TCF24: variants seen among roughly 807,000 people sequenced by gnomAD.
TCF24 encodes transcription factor 24.
In TCF24, 5 loss-of-function variants were observed where a neutral mutation model predicts 9.3. The ratio of observed to expected loss-of-function variants is 0.54; its 90% CI spans 0.28 to 1.13. The LOEUF is 1.13. Ranked by LOEUF, TCF24 falls within the 50% of genes most tolerant of loss-of-function variation. TCF24 has a pLI of 0.09. For missense variants in TCF24, 220 were observed against 236.1 expected, an observed-to-expected ratio of 0.93 and a Z score of 0.45; for synonymous variants, 110 against 115.8, an observed-to-expected ratio of 0.95 and a Z score of 0.32.
chr8:66,955,932 A>T (rs781573554), intron 3 of TCF24, among the ~76,000 whole-genome samples: 14 of 151,946 alleles, frequency 9.2e-5, no homozygotes, highest in Non-Finnish European at 1.6e-4. Flanking sequence ...AATTTATTTT[A>T]TTATTATTTT....
In TCF24 at chr8:66,961,526, C is replaced by A. The variant is rs1242305188; in HGVS notation, c.240G>T (p.Pro80=). The A allele has an allele frequency of 4.0e-6, 6 of 1,513,172 alleles. No individual in the cohort carries two copies. The Admixed American group carries it at 6.1e-5, about 15-fold the overall frequency. The allele number at this position is 1,513,172 out of a possible 1,614,324, so 93.7% of individuals were successfully genotyped here. A position where few individuals can be genotyped will look rare whatever the true frequency, so the allele number is the denominator to read the frequency against. Residue 80 remains proline, a synonymous_variant, in exon 3 of 4, where the codon CCG becomes CCT. Coordinates refer to ENST00000563496, the MANE Select transcript of TCF24 (RefSeq NM_001193502.2). ...CCAGCTTGGACAGCTTGGTGTCGGG[C>A]GGCACGGACGGCAGCGTGCGCTGCA... ...LELQRTLPSV[P]PDTKLSKLDV...
intron 3 of TCF24, among the ~76,000 whole-genome samples, chr8:66,953,526 A>T (rs1289992034): frequency 6.6e-6 from 1 of 150,956 alleles, no homozygotes; most frequent in Non-Finnish European, 1.5e-5. Flanking sequence ...GCTGCCCTTA[A>T]CATTTTTTCC....
In TCF24 at chr8:66,953,225, G is replaced by A. The variant is rs1361520696; in HGVS notation, c.391-5061C>T. ...TTACATTTTGACATGATTTTGCAGC[G>A]GCTGGTACCGGTTGTTCCTTTCCAT... On this transcript the variant is annotated intron_variant, in intron 3 of 3. Coordinates refer to ENST00000563496, the MANE Select transcript of TCF24 (RefSeq NM_001193502.2). 1.6e-4 allele frequency among the ~76,000 whole-genome samples: 25 copies of A among 152,092 alleles called. No individual in the cohort carries two copies. In the East Asian group the frequency reaches 3.9e-3, roughly 24 times the overall value.
chr8:66,951,221 T>C (rs1028494601), intron 3 of TCF24, among the ~76,000 whole-genome samples: 1 of 139,528 alleles, frequency 7.2e-6, no homozygotes, highest in African/African-American at 2.8e-5. Context: ...TGATATTGGC[T>C]GTGGGTTTGT....
intron 3 of TCF24, among the ~76,000 whole-genome samples, chr8:66,955,365 T>A (rs1424250374): frequency 6.6e-6 from 1 of 151,512 alleles, no homozygotes; most frequent in Non-Finnish European, 1.5e-5. Flanking sequence ...TGTTTTTTTT[T>A]ACTACAGAGA....
chr8:66,952,285 G>T, intron 3 of TCF24, among the ~76,000 whole-genome samples: 1 of 134,020 alleles, frequency 7.5e-6, no homozygotes, highest in Non-Finnish European at 1.6e-5. Context: ...AGAGATTCTG[G>T]TATGTTGTGT....
chr8:66,948,342 G>C (rs1813995947), intron 3 of TCF24, among the ~76,000 whole-genome samples, 178 bp from the exon 4 acceptor site: 2 of 152,092 alleles, frequency 1.3e-5, no homozygotes, highest in Admixed American at 6.6e-5. Flanking sequence ...AATGCTAACA[G>C]TAAAAAACAA....
intron 3 of TCF24, among the ~76,000 whole-genome samples, chr8:66,953,206 T>C (rs1814086379): frequency 6.6e-6 from 1 of 152,182 alleles, no homozygotes; most frequent in African/African-American, 2.4e-5. Context: ...ATCTTTACAT[T>C]TTGACATGAT....
intron 3 of TCF24, among the ~76,000 whole-genome samples, chr8:66,957,223 C>A (rs1814171521): frequency 6.6e-6 from 1 of 151,196 alleles, no homozygotes; most frequent in African/African-American, 2.4e-5. Context: ...TTAAGACCAG[C>A]CTGGCCAGCA....
rs141557620 is a variant in TCF24, at chr8:66,949,080, T to C, written c.391-916A>G. ...CATCCTGATTAAATGTCTGTATGTA[T>C]TGACATCATCTAGCTCTTTTTTTTT... On this transcript the variant is annotated intron_variant, in intron 3 of 3. Transcript: ENST00000563496. Among the ~76,000 whole-genome samples, 403 of 152,330 alleles carry C rather than the reference T, an allele frequency of 2.6e-3. 6 individuals carry two copies. The highest frequency in any genetic ancestry group is 9.2e-3 in the African/African-American group (384 of 41,580).
intron 3 of TCF24, among the ~76,000 whole-genome samples, chr8:66,958,960 T>G (rs1814212274): frequency 1.3e-5 from 2 of 152,204 alleles, no homozygotes; most frequent in South Asian, 4.1e-4. Context: ...AAACTTCCAG[T>G]TTCATTTGAG....
Position 66,947,254 on chromosome 8 carries a change from A to C in TCF24, c.*797T>G, listed in dbSNP as rs2130895543. On this transcript the variant is annotated 3_prime_UTR_variant, in exon 4 of 4. Coordinates refer to ENST00000563496, the MANE Select transcript of TCF24 (RefSeq NM_001193502.2). Reference sequence around the variant, plus strand: ...ATCCCAACACTTTGGTAGGTGAGGCAGGAGGATTTATTGAGCCAGGATTTC... The same window carrying C: ...ATCCCAACACTTTGGTAGGTGAGGCCGGAGGATTTATTGAGCCAGGATTTC... 1 of 152,274 alleles carries C rather than the reference A, an allele frequency of 6.6e-6. No homozygotes were observed. Among genetic ancestry groups the C allele is most frequent in the Non-Finnish European group, 1.5e-5 (1 of 68,030 alleles). 9.4% of individuals were successfully genotyped at this position (152,274 alleles called of 1,614,324 possible). A position where few individuals can be genotyped will look rare whatever the true frequency, so the allele number is the denominator to read the frequency against.
At chr8:66,957,674 C>T (rs1814182099) in intron 3 of TCF24, among the ~76,000 whole-genome samples, 2 of 151,992 alleles carry the variant, frequency 1.3e-5, no homozygotes, top group South Asian at 4.1e-4. Flanking sequence ...CAGATATCAA[C>T]TTTAAGTGCA....
Position 66,947,096 on chromosome 8 carries a change from G to C in TCF24, c.*955C>G, listed in dbSNP as rs1488014523. 6.6e-6 allele frequency: 1 copy of C among 152,080 alleles called. No individual in the cohort carries two copies. Among genetic ancestry groups the C allele is most frequent in the Non-Finnish European group, 1.5e-5 (1 of 68,016 alleles). The allele number at this position is 152,080 out of a possible 1,614,324, so 9.4% of individuals were successfully genotyped here. A position where few individuals can be genotyped will look rare whatever the true frequency, so the allele number is the denominator to read the frequency against. ...TGTTTACAAATATTTAAATATGCAAGTACTTTTCTACATATTAATATGTAG... is the reference window on the plus strand; with the variant it reads ...TGTTTACAAATATTTAAATATGCAACTACTTTTCTACATATTAATATGTAG... On this transcript the variant is annotated 3_prime_UTR_variant, in exon 4 of 4. Coordinates refer to ENST00000563496, the MANE Select transcript of TCF24 (RefSeq NM_001193502.2).
chr8:66,954,815 G>A (rs986721334), intron 3 of TCF24, among the ~76,000 whole-genome samples: 3 of 152,150 alleles, frequency 2.0e-5, no homozygotes, highest in South Asian at 2.1e-4. Flanking sequence ...TTTTTAAGCC[G>A]GTCCGAAAAG....
chr8:66,951,559 TTTGG>T (rs1814059315), intron 3 of TCF24, among the ~76,000 whole-genome samples: 1 of 152,210 alleles, frequency 6.6e-6, no homozygotes, highest in African/African-American at 2.4e-5. Flanking sequence ...AATTCTCTTT[TTTGG>T]TTGTGTCTCT....
At chr8:66,959,744 T>C (rs1585946709) in intron 3 of TCF24, among the ~76,000 whole-genome samples, 1 of 152,222 alleles carries the variant, frequency 6.6e-6, no homozygotes, top group African/African-American at 2.4e-5. Flanking sequence ...TCAAGCAACA[T>C]TAATTTCATT....
rs1491183176 is a variant in TCF24, at chr8:66,949,094, C to CTCTTTTTTTT, written c.391-940_391-931dup. 2.6e-5 allele frequency among the ~76,000 whole-genome samples: 4 copies of CTCTTTTTTTT among 151,848 alleles called. No homozygotes were observed. In the East Asian group the frequency reaches 7.7e-4, roughly 29 times the overall value. On this transcript the variant is annotated intron_variant, in intron 3 of 3. Transcript: ENST00000563496. ...GTCTGTATGTATTGACATCATCTAG[C>CTCTTTTTTTT]TCTTTTTTTTTCTTTTTTTTTTATT...
intron 3 of TCF24, among the ~76,000 whole-genome samples, chr8:66,953,915 C>T (rs201020483): frequency 4.6e-5 from 7 of 151,586 alleles, no homozygotes; most frequent in South Asian, 4.2e-4. Context: ...GCATTCTTCA[C>T]GTAGTTCTCG....
Sources: allele counts gnomAD v4.1 joint callset (sites outside exome capture counted in the v4.1 genomes callset), GRCh38; gene constraint gnomAD v4.1.1; transcripts MANE v1.5; gene names NCBI Gene and HGNC (gene_info 2026-07-23, HGNC 2026-07-21).